TRMT9B: variants seen among roughly 807,000 people sequenced by gnomAD.
The protein encoded by TRMT9B is tRNA methyltransferase 9B (putative).
TRMT9B carries 16 observed loss-of-function variants against 11.5 expected under a neutral mutation model. That is an observed-to-expected ratio of 1.39 (90% CI 0.94 to 2.11). The LOEUF is 2.11. Among genes scored for constraint, TRMT9B ranks in the 30% most tolerant of loss-of-function variants. TRMT9B has a pLI of 0.00. For synonymous variants in TRMT9B, 274 were observed against 192.4 expected, an observed-to-expected ratio of 1.42 and a Z score of -3.51; for missense variants, 941 against 553.8, an observed-to-expected ratio of 1.70 and a Z score of -7.02.
intron 2 of TRMT9B, among the ~76,000 whole-genome samples, chr8:12,998,416 G>A (rs1432513549): frequency 2.6e-5 from 4 of 152,146 alleles, no homozygotes; most frequent in Non-Finnish European, 5.9e-5. Flanking sequence ...CTAAAGCCAC[G>A]TGTGTTTTCC....
chr8:12,990,064 C>A (rs1807057573), intron 1 of TRMT9B, among the ~76,000 whole-genome samples: 1 of 152,190 alleles, frequency 6.6e-6, no homozygotes, highest in South Asian at 2.1e-4. Flanking sequence ...AGAAAACCCA[C>A]ACGCACCCTG....
chr8:12,989,720 C>T (rs938950536), intron 1 of TRMT9B, among the ~76,000 whole-genome samples: 2 of 152,182 alleles, frequency 1.3e-5, no homozygotes, highest in African/African-American at 4.8e-5. Flanking sequence ...TTTAGCTTTA[C>T]CCTGTCATAG....
At chr8:12,985,257 C>A (rs2946489) in intron 1 of TRMT9B, among the ~76,000 whole-genome samples, 6,009 of 152,226 alleles carry the variant, frequency 0.039, 157 homozygotes, top group African/African-American at 0.069. Context: ...TCTCCCGGTG[C>A]AACATATTTT....
intron 1 of TRMT9B, among the ~76,000 whole-genome samples, chr8:12,986,296 T>C (rs1438320491): frequency 6.6e-6 from 1 of 152,160 alleles, no homozygotes; most frequent in Non-Finnish European, 1.5e-5. Context: ...GGTGAACCAC[T>C]GTACTGTCTT....
chr8:12,971,198 A>C (rs184683640), intron 1 of TRMT9B, among the ~76,000 whole-genome samples: 8 of 152,252 alleles, frequency 5.3e-5, no homozygotes, highest in Admixed American at 5.2e-4. Context: ...GTATTATCAA[A>C]TACTGGTATT....
chr8:12,961,409 A>G (rs1463015083), intron 1 of TRMT9B, among the ~76,000 whole-genome samples: 4 of 151,922 alleles, frequency 2.6e-5, no homozygotes, highest in Non-Finnish European at 4.4e-5. Flanking sequence ...GTTGTAGAAA[A>G]CATTACCTTC....
At chr8:12,986,469 T>C (rs1224878053) in intron 1 of TRMT9B, among the ~76,000 whole-genome samples, 4 of 152,218 alleles carry the variant, frequency 2.6e-5, no homozygotes, top group African/African-American at 9.6e-5. Context: ...CAGCTCATAC[T>C]GTAATATAAA....
intron 1 of TRMT9B, among the ~76,000 whole-genome samples, chr8:12,969,652 C>G (rs1468822103): frequency 6.6e-6 from 1 of 150,506 alleles, no homozygotes; most frequent in East Asian, 1.9e-4. Flanking sequence ...TTTAAAAATT[C>G]TCTTTTTATT....
rs766124192 is a variant in TRMT9B at position 12,990,867 on chromosome 8, G to T, written c.-166G>T. 3.1e-6 allele frequency: 4 copies of T among 1,289,476 alleles called. No homozygotes were observed. The African/African-American group carries it at 6.1e-5, about 20-fold the overall frequency. The allele number at this position is 1,289,476 out of a possible 1,614,324, so 79.9% of individuals were successfully genotyped here. On this transcript the variant is annotated 5_prime_UTR_variant, in exon 2 of 5. Coordinates refer to ENST00000524591, the MANE Select transcript of TRMT9B (RefSeq NM_020844.3). ...CTTCCTTCAGAGACTCACACAAGAG[G>T]TTTATCATGAGAAGGACCGCACTAT...
chr8:13,018,504 C>G lies in TRMT9B; in HGVS notation c.329-2504C>G, dbSNP rs376466465. ...AAAGAGACCATTTTATTAAAATAGT[C>G]CCGTTTTAAAGGTTTTTTTGTCTTA... On this transcript the variant is annotated intron_variant, in intron 4 of 4. Transcript: ENST00000524591. Among the ~76,000 whole-genome samples, 176 of 151,826 alleles carry G rather than the reference C, an allele frequency of 1.2e-3. 1 individual carries two copies. Among genetic ancestry groups the G allele is most frequent in the African/African-American group, 4.1e-3 (169 of 41,400 alleles).
chr8:12,986,687 T>C (rs1306108885), intron 1 of TRMT9B, among the ~76,000 whole-genome samples: 1 of 152,214 alleles, frequency 6.6e-6, no homozygotes, highest in African/African-American at 2.4e-5. Flanking sequence ...TCTTCTTCCT[T>C]ATTTTAGGAT....
chr8:12,974,299 C>G (rs927085063), intron 1 of TRMT9B, among the ~76,000 whole-genome samples: 11 of 152,022 alleles, frequency 7.2e-5, no homozygotes, highest in Non-Finnish European at 1.5e-4. Flanking sequence ...GAAGAAACCA[C>G]CTTTCCCACT....
intron 1 of TRMT9B, among the ~76,000 whole-genome samples, chr8:12,956,697 C>A (rs1282136036): frequency 6.6e-6 from 1 of 152,134 alleles, no homozygotes; most frequent in Non-Finnish European, 1.5e-5. Context: ...TGTGTTTTTC[C>A]CGAATCTTTC....
chr8:12,985,341 A>C (rs908120046), intron 1 of TRMT9B, among the ~76,000 whole-genome samples: 1 of 152,146 alleles, frequency 6.6e-6, no homozygotes, highest in African/African-American at 2.4e-5. Context: ...TTTCCTTAGC[A>C]TTTCCATTGT....
intron 1 of TRMT9B, among the ~76,000 whole-genome samples, chr8:12,966,113 C>A (rs1274840135): frequency 1.3e-5 from 2 of 151,600 alleles, no homozygotes; most frequent in African/African-American, 4.8e-5. Context: ...ATCACTTGAG[C>A]CCAGGAGTTC....
intron 1 of TRMT9B, among the ~76,000 whole-genome samples, chr8:12,970,496 C>T (rs532083696): frequency 6.6e-6 from 1 of 152,298 alleles, no homozygotes; most frequent in East Asian, 1.9e-4. Flanking sequence ...TAAACGTGGA[C>T]TCCGTTGTTC....
intron 1 of TRMT9B, among the ~76,000 whole-genome samples, chr8:12,978,429 C>A (rs971634776): frequency 1.4e-4 from 22 of 152,116 alleles, no homozygotes; most frequent in African/African-American, 5.1e-4. Context: ...TTACCTACAA[C>A]TGTCTTGGTA....
intron 1 of TRMT9B, among the ~76,000 whole-genome samples, chr8:12,950,189 A>C (rs984982429): frequency 6.6e-6 from 1 of 152,130 alleles, no homozygotes; most frequent in African/African-American, 2.4e-5. Flanking sequence ...CAGACATTGG[A>C]CACCACTTCC....
intron 1 of TRMT9B, among the ~76,000 whole-genome samples, chr8:12,978,143 T>C (rs530212275): frequency 1.3e-5 from 2 of 152,334 alleles, no homozygotes; most frequent in Admixed American, 1.3e-4. Flanking sequence ...CCTTTCTTCA[T>C]GGCCCAGGAA....
Sources: allele counts gnomAD v4.1 joint callset (sites outside exome capture counted in the v4.1 genomes callset), GRCh38; gene constraint gnomAD v4.1.1; transcripts MANE v1.5; gene names NCBI Gene and HGNC (gene_info 2026-07-23, HGNC 2026-07-21).